ARL8B: variants seen among roughly 807,000 people sequenced by gnomAD.
ARL8B encodes the protein ARF like GTPase 8B.
ARL8B carries 9 observed loss-of-function variants against 30.6 expected under a neutral mutation model. The observed-to-expected ratio is 0.29, with a 90% CI of 0.18 to 0.51. The LOEUF (loss-of-function observed/expected upper bound fraction) is 0.51. Ranked by LOEUF, ARL8B falls within the 20% of genes least tolerant of loss-of-function variation. ARL8B has a pLI of 0.97. For missense variants in ARL8B, 130 were observed against 227.2 expected (o/e 0.57, Z 2.75); for synonymous variants, 74 against 76.0 (o/e 0.97, Z 0.14).
In ARL8B at chr3:5,122,372, C is replaced by T. The variant is rs772560226; in HGVS notation, c.-94C>T. 1.4e-5 allele frequency: 22 copies of T among 1,580,664 alleles called. No homozygotes were observed. In the South Asian group the frequency reaches 1.5e-4, roughly 11 times the overall value. On this transcript the variant is annotated 5_prime_UTR_variant, in exon 1 of 7. Transcript: ENST00000256496. ...GTGTCGCGCCGGGGCACCAAGGAGC[C>T]GTTGGAGGGTCCGGGCGGAGGCCCG... is the stretch of plus-strand genomic sequence containing the variant.
intron 1 of ARL8B, among the ~76,000 whole-genome samples, chr3:5,165,054 C>G (rs1049532659): frequency 6.6e-6 from 1 of 152,124 alleles, no homozygotes; most frequent in Non-Finnish European, 1.5e-5. Flanking sequence ...TGATGTTAAT[C>G]TGAGCATCAT....
intron 1 of ARL8B, among the ~76,000 whole-genome samples, chr3:5,159,712 AGTT>A (rs2054564991): frequency 6.6e-6 from 1 of 151,892 alleles, no homozygotes; most frequent in Admixed American, 6.6e-5. Context: ...CCCCTTTTTA[AGTT>A]CAGTAATAGA....
chr3:5,126,316 C>G (rs1366517941), intron 1 of ARL8B, among the ~76,000 whole-genome samples: 1 of 152,042 alleles, frequency 6.6e-6, no homozygotes, highest in Non-Finnish European at 1.5e-5. Flanking sequence ...AAAATAGTTG[C>G]TTTATAGAAT....
At chr3:5,151,000 G>C (rs999204080) in intron 1 of ARL8B, among the ~76,000 whole-genome samples, 7 of 151,916 alleles carry the variant, frequency 4.6e-5, no homozygotes, top group Non-Finnish European at 8.8e-5. Context: ...CGTGTTTATA[G>C]TATTCTCTTA....
intron 1 of ARL8B, among the ~76,000 whole-genome samples, chr3:5,143,024 C>G (rs1201117576): frequency 6.6e-6 from 1 of 152,242 alleles, no homozygotes. Flanking sequence ...ATCATCCCAG[C>G]TGGGGCATGG....
chr3:5,155,238 T>C (rs1276495205), intron 1 of ARL8B, among the ~76,000 whole-genome samples: 1 of 152,240 alleles, frequency 6.6e-6, no homozygotes, highest in East Asian at 1.9e-4. Context: ...TATTAGCCCA[T>C]TGCCTTCTGA....
In ARL8B at chr3:5,149,613, T is replaced by C. The variant is rs76365626; in HGVS notation, c.124-20890T>C. Among the ~76,000 whole-genome samples the C allele has an allele frequency of 1.7e-3, 253 of 152,358 alleles. 5 individuals carry two copies. The East Asian group carries it at 0.043, about 26-fold the overall frequency. On this transcript the variant is annotated intron_variant, in intron 1 of 6. Transcript: ENST00000256496. ...TTTTATTATCACCCTTAGAAGGTTA[T>C]ATCCTCGTCCCCTTCCCCACTTAAG... is the stretch of plus-strand genomic sequence containing the variant.
chr3:5,160,781 A>G (rs1011507225), intron 1 of ARL8B, among the ~76,000 whole-genome samples: 1 of 152,260 alleles, frequency 6.6e-6, no homozygotes, highest in African/African-American at 2.4e-5. Context: ...TCATAGCATA[A>G]TGCTGAAGAA....
intron 1 of ARL8B, among the ~76,000 whole-genome samples, chr3:5,166,282 C>T (rs2054623089): frequency 6.6e-6 from 1 of 151,918 alleles, no homozygotes; most frequent in Non-Finnish European, 1.5e-5. Flanking sequence ...TCGTGATCCA[C>T]CCACCTCGGC....
intron 1 of ARL8B, chr3:5,128,361 G>A: frequency 2.4e-6 from 1 of 417,498 alleles, no homozygotes; most frequent in Non-Finnish European, 4.8e-6. Flanking sequence ...TATAGATTCT[G>A]AGTTGTGGAA....
At chr3:5,133,765 C>T (rs764223893) in intron 1 of ARL8B, among the ~76,000 whole-genome samples, 17 of 151,766 alleles carry the variant, frequency 1.1e-4, no homozygotes, top group Non-Finnish European at 2.2e-4. Context: ...CTGGTCTCTA[C>T]AAAAAATAAA....
intron 5 of ARL8B, 36 bp from the exon 6 acceptor site, chr3:5,174,308 C>G: frequency 2.1e-6 from 3 of 1,428,838 alleles, no homozygotes; most frequent in Non-Finnish European, 2.0e-6. Context: ...GACAGCTGTT[C>G]TAAGCACAGA....
At chr3:5,151,421 C>T (rs954858307) in intron 1 of ARL8B, among the ~76,000 whole-genome samples, 5 of 151,990 alleles carry the variant, frequency 3.3e-5, no homozygotes, top group Non-Finnish European at 7.4e-5. Flanking sequence ...CCAGCCTGGG[C>T]GACAGAGCAA....
intron 6 of ARL8B, among the ~76,000 whole-genome samples, chr3:5,177,443 A>C (rs1055078517): frequency 6.7e-6 from 1 of 149,900 alleles, no homozygotes; most frequent in African/African-American, 2.5e-5. Flanking sequence ...GCTTTGTGTA[A>C]TTTTTTAGTG....
chr3:5,135,325 G>T (rs577545199), intron 1 of ARL8B, among the ~76,000 whole-genome samples: 43 of 136,958 alleles, frequency 3.1e-4, no homozygotes, highest in Non-Finnish European at 6.5e-4. Flanking sequence ...GTCTCATTCT[G>T]TTGCCCAGAC....
At chr3:5,138,527 A>C (rs2054346327) in intron 1 of ARL8B, among the ~76,000 whole-genome samples, 3 of 152,124 alleles carry the variant, frequency 2.0e-5, no homozygotes. Context: ...ATGCTGAGCT[A>C]TTATCATTAT....
At chr3:5,170,791 T>C in intron 2 of ARL8B, 1 of 429,856 alleles carries the variant, frequency 2.3e-6, no homozygotes, top group South Asian at 2.6e-5. Flanking sequence ...GAGTGCAGTG[T>C]CGCGATCTCC....
intron 1 of ARL8B, among the ~76,000 whole-genome samples, chr3:5,144,208 C>T (rs1021579356): frequency 3.9e-5 from 6 of 152,150 alleles, no homozygotes; most frequent in African/African-American, 1.4e-4. Flanking sequence ...ACCACATTCC[C>T]AGCAGTGGCT....
intron 6 of ARL8B, 43 bp from the exon 7 acceptor site, chr3:5,178,621 G>A (rs1263449346): frequency 6.4e-7 from 1 of 1,573,332 alleles, no homozygotes; most frequent in Non-Finnish European, 8.7e-7. Context: ...TTGATGTTTA[G>A]TTTTTTAACT....
Sources: allele counts gnomAD v4.1 joint callset (sites outside exome capture counted in the v4.1 genomes callset), GRCh38; gene constraint gnomAD v4.1.1; transcripts MANE v1.5; gene names NCBI Gene and HGNC (gene_info 2026-07-23, HGNC 2026-07-21).